The following SGCZ variants were observed in gnomAD, a reference collection of about 807,000 sequenced individuals.
SGCZ encodes zeta-sarcoglycan.
In SGCZ, 40 loss-of-function variants were observed where a neutral mutation model predicts 41.3. The observed-to-expected ratio is 0.97, with a 90% CI of 0.75 to 1.26. The LOEUF is 1.26. Ranked by LOEUF, SGCZ falls within the 50% of genes most tolerant of loss-of-function variation. The pLI is 0.00. For missense variants in SGCZ, 552 were observed against 369.8 expected, an observed-to-expected ratio of 1.49 and a Z score of -4.04; for synonymous variants, 206 against 137.5, an observed-to-expected ratio of 1.50 and a Z score of -3.49.
At chr8:14,393,575 T>C (rs1006102298) in intron 2 of SGCZ, among the ~76,000 whole-genome samples, 2 of 152,166 alleles carry the variant, frequency 1.3e-5, no homozygotes, top group African/African-American at 2.4e-5. Context: ...CAAACTAGCA[T>C]AGAAATTTCG....
chr8:14,931,216 T>A (rs1799914716), intron 1 of SGCZ, among the ~76,000 whole-genome samples: 1 of 151,992 alleles, frequency 6.6e-6, no homozygotes, highest in African/African-American at 2.4e-5. Flanking sequence ...CACTTACCAT[T>A]TAATCAGAAC....
chr8:14,860,708 GAGAA>G (rs10532441), intron 1 of SGCZ, among the ~76,000 whole-genome samples: 52,905 of 132,396 alleles, frequency 0.4, 10,221 homozygotes, highest in East Asian at 0.57. Context: ...AAGAAAGAAA[GAGAA>G]AGAAAGAAAG....
chr8:14,581,456 T>G (rs894305711), intron 1 of SGCZ, among the ~76,000 whole-genome samples: 2 of 151,888 alleles, frequency 1.3e-5, no homozygotes, highest in African/African-American at 4.8e-5. Context: ...TTTGTTTTTT[T>G]TTTTCCCCCA....
At chr8:14,686,063 C>T (rs920615) in intron 1 of SGCZ, among the ~76,000 whole-genome samples, 93,751 of 151,850 alleles carry the variant, frequency 0.62, 31,704 homozygotes, top group Non-Finnish European at 0.75. Context: ...CTATATGTTT[C>T]GTCTCGGGAA....
intron 1 of SGCZ, among the ~76,000 whole-genome samples, chr8:14,756,131 C>G (rs1374363598): frequency 2.0e-5 from 3 of 151,310 alleles, no homozygotes. Context: ...AAAGGATAGG[C>G]TGGGTTATGA....
In SGCZ at chr8:14,444,815, T is replaced by C. The variant is rs111656293; in HGVS notation, c.234+109917A>G. Among the ~76,000 whole-genome samples the C allele has an allele frequency of 8.6e-3, 1,301 of 152,042 alleles. 17 individuals are homozygous for C. Among genetic ancestry groups the C allele is most frequent in the African/African-American group, 0.03 (1,229 of 41,462 alleles). ...TACCCTAAAACTTAAAGTATAATAA[T>C]AATGAAATAAAATAAAATAAATGAA... On this transcript the variant is annotated intron_variant, in intron 2 of 7. Transcript: ENST00000382080.
At chr8:14,715,620 C>T (rs915595056) in intron 1 of SGCZ, among the ~76,000 whole-genome samples, 2 of 151,762 alleles carry the variant, frequency 1.3e-5, no homozygotes, top group African/African-American at 4.8e-5. Context: ...AGGCACATGA[C>T]AAAATACGAA....
chr8:14,631,576 T>C lies in SGCZ; in HGVS notation c.40-76650A>G, dbSNP rs142347517. 1.1e-4 allele frequency among the ~76,000 whole-genome samples: 16 copies of C among 152,184 alleles called. No homozygotes were observed. The East Asian group carries it at 2.9e-3, about 28-fold the overall frequency. Reference sequence around the variant, plus strand: ...AAATGGATATGAATAAAGTCTCAGATTGAGGAAAGCAGAAAGACACTTCTG... The same window carrying C: ...AAATGGATATGAATAAAGTCTCAGACTGAGGAAAGCAGAAAGACACTTCTG... On this transcript the variant is annotated intron_variant, in intron 1 of 7. Coordinates refer to ENST00000382080, the MANE Select transcript of SGCZ (RefSeq NM_139167.4).
chr8:14,734,557 T>A (rs1798970779), intron 1 of SGCZ, among the ~76,000 whole-genome samples: 1 of 152,156 alleles, frequency 6.6e-6, no homozygotes, highest in African/African-American at 2.4e-5. Flanking sequence ...TTAGTCTTTT[T>A]AAAATGCTTC....
intron 1 of SGCZ, among the ~76,000 whole-genome samples, chr8:14,860,054 T>G (rs1443882243): frequency 6.6e-6 from 1 of 151,736 alleles, no homozygotes; most frequent in African/African-American, 2.4e-5. Flanking sequence ...TTCCCAATCC[T>G]TTAGGTTCCC....
chr8:14,436,790 T>G (rs1204667951), intron 2 of SGCZ, among the ~76,000 whole-genome samples: 3 of 152,184 alleles, frequency 2.0e-5, no homozygotes, highest in African/African-American at 7.2e-5. Flanking sequence ...AGTACATTGG[T>G]GGTTTAGAGG....
At chr8:14,593,245 G>C (rs923864282) in intron 1 of SGCZ, among the ~76,000 whole-genome samples, 1 of 152,178 alleles carries the variant, frequency 6.6e-6, no homozygotes, top group Non-Finnish European at 1.5e-5. Context: ...AAGAGAATCC[G>C]TTGGTAGCAG....
chr8:15,138,399 A>C (rs2116990218), intron 1 of SGCZ, among the ~76,000 whole-genome samples: 1 of 152,166 alleles, frequency 6.6e-6, no homozygotes, highest in South Asian at 2.1e-4. Context: ...TGTGATTTGA[A>C]TTGTGACGAC....
intron 1 of SGCZ, among the ~76,000 whole-genome samples, chr8:15,129,176 C>A (rs989179753): frequency 6.6e-6 from 1 of 152,178 alleles, no homozygotes; most frequent in Admixed American, 6.6e-5. Context: ...TTTCTGTCTG[C>A]ATAACTGAAG....
Position 15,052,411 on chromosome 8 carries a change from T to C in SGCZ, c.39+185174A>G, listed in dbSNP as rs1804547221. The stretch of plus-strand genomic sequence containing the variant: ...AAGTGAGTGAGGGTGGTGGGTGGAC[T>C]GAGTCATGCAAAGGTTAGGACAGAT... On this transcript the variant is annotated intron_variant, in intron 1 of 7. Transcript: ENST00000382080. Among the ~76,000 whole-genome samples, 4 of 152,148 alleles carry C rather than the reference T, an allele frequency of 2.6e-5. No homozygotes were observed. The South Asian group carries it at 8.3e-4, about 31-fold the overall frequency.
intron 4 of SGCZ, among the ~76,000 whole-genome samples, chr8:14,211,191 C>A (rs763859380): frequency 4.2e-4 from 64 of 152,272 alleles, no homozygotes; most frequent in African/African-American, 1.4e-3. Context: ...TGGAGGGACA[C>A]TGCAGGAGTA....
At chr8:14,447,446 A>G (rs563555537) in intron 2 of SGCZ, among the ~76,000 whole-genome samples, 1 of 152,312 alleles carries the variant, frequency 6.6e-6, no homozygotes, top group African/African-American at 2.4e-5. Context: ...TAAAATACCA[A>G]GTTAAATATT....
At chr8:14,104,903 A>T (rs767033568) in intron 6 of SGCZ, among the ~76,000 whole-genome samples, 24 of 152,158 alleles carry the variant, frequency 1.6e-4, no homozygotes, top group Admixed American at 1.3e-4. Context: ...AAATGAATTA[A>T]CATTTATTTT....
chr8:14,399,842 C>G (rs983770874), intron 2 of SGCZ, among the ~76,000 whole-genome samples: 1 of 152,010 alleles, frequency 6.6e-6, no homozygotes, highest in Non-Finnish European at 1.5e-5. Context: ...CCTTATTGAG[C>G]TACACTTTAT....
Sources: allele counts gnomAD v4.1 joint callset (sites outside exome capture counted in the v4.1 genomes callset), GRCh38; gene constraint gnomAD v4.1.1; transcripts MANE v1.5; gene names NCBI Gene and HGNC (gene_info 2026-07-23, HGNC 2026-07-21).